The following DOK6 variants were observed in gnomAD, a reference collection of about 807,000 sequenced individuals.
DOK6 encodes docking protein 6.
Under a neutral mutation model 44.0 loss-of-function variants are expected in DOK6, and 22 were observed. The ratio of observed to expected loss-of-function variants is 0.50; its 90% CI spans 0.36 to 0.71. The LOEUF is 0.71. DOK6 is among the 30% of genes least tolerant of loss of function. DOK6 has a pLI of 0.00. For missense variants in DOK6, 340 were observed against 416.4 expected (o/e 0.82, Z 1.60); for synonymous variants, 166 against 145.5 (o/e 1.14, Z -1.01).
intron 5 of DOK6, among the ~76,000 whole-genome samples, chr18:69,722,457 C>A (rs1978290227): frequency 6.6e-6 from 1 of 152,146 alleles, no homozygotes; most frequent in African/African-American, 2.4e-5. Context: ...ATCCTCTCCC[C>A]AAAATGCCCA....
intron 3 of DOK6, among the ~76,000 whole-genome samples, chr18:69,659,311 CTCCA>C (rs1985449145): frequency 6.6e-6 from 1 of 152,188 alleles, no homozygotes; most frequent in Non-Finnish European, 1.5e-5. Flanking sequence ...CTACGTGTGC[CTCCA>C]AATGGTTCAA....
At chr18:69,813,100 A>G (rs1250459655) in intron 7 of DOK6, among the ~76,000 whole-genome samples, 3 of 152,164 alleles carry the variant, frequency 2.0e-5, no homozygotes, top group Non-Finnish European at 4.4e-5. Context: ...AGACAGTGTC[A>G]AGACTCTACT....
chr18:69,412,794 A>G (rs8085088), intron 1 of DOK6, among the ~76,000 whole-genome samples: 2,170 of 152,284 alleles, frequency 0.014, 26 homozygotes, highest in Middle Eastern at 0.051. Context: ...GTCTTGCATT[A>G]TAAAAGATGA....
At chr18:69,545,110 A>G (rs112020505) in intron 1 of DOK6, among the ~76,000 whole-genome samples, 7,229 of 64,778 alleles carry the variant, frequency 0.11, 584 homozygotes, top group African/African-American at 0.23. Context: ...ACAGAGCGAG[A>G]CACCATAAAA....
intron 3 of DOK6, among the ~76,000 whole-genome samples, chr18:69,636,487 T>C (rs571030531): frequency 1.3e-5 from 2 of 152,318 alleles, no homozygotes; most frequent in African/African-American, 4.8e-5. Context: ...CAGGCATGGC[T>C]CACAAATAGT....
intron 1 of DOK6, among the ~76,000 whole-genome samples, chr18:69,556,339 G>C (rs534077777): frequency 1.3e-5 from 2 of 152,190 alleles, no homozygotes; most frequent in South Asian, 2.1e-4. Context: ...TTCCTCAGAT[G>C]TCTGCATCAC....
intron 2 of DOK6, among the ~76,000 whole-genome samples, chr18:69,594,125 A>G (rs183288833): frequency 6.6e-6 from 1 of 152,240 alleles, no homozygotes; most frequent in East Asian, 1.9e-4. Context: ...CTTCCTAAAA[A>G]ACTTCATATT....
chr18:69,800,159 A>G (rs549555566), intron 7 of DOK6, among the ~76,000 whole-genome samples: 1 of 152,152 alleles, frequency 6.6e-6, no homozygotes, highest in Non-Finnish European at 1.5e-5. Flanking sequence ...TGAAACAGTA[A>G]ATGAAATATA....
rs183501732 is a variant in DOK6, at chr18:69,706,556, G to C, written c.599+7963G>C. On this transcript the variant is annotated intron_variant, in intron 5 of 7. Coordinates refer to ENST00000382713, the MANE Select transcript of DOK6 (RefSeq NM_152721.6). ...TATTATTATTATACTTTAAGTTTTA[G>C]GGTACATGTGCACAATGTGCAGGTT... 3.7e-3 allele frequency among the ~76,000 whole-genome samples: 561 copies of C among 151,332 alleles called. 6 individuals are homozygous for C. Among genetic ancestry groups the C allele is most frequent in the African/African-American group, 0.013 (544 of 41,190 alleles).
chr18:69,474,566 TA>T (rs1488452660), intron 1 of DOK6, among the ~76,000 whole-genome samples: 2 of 152,240 alleles, frequency 1.3e-5, no homozygotes, highest in African/African-American at 4.8e-5. Context: ...GTACATGGTT[TA>T]ATGTATTCCA....
At chr18:69,587,553 A>G (rs1216004388) in intron 2 of DOK6, among the ~76,000 whole-genome samples, 1 of 152,180 alleles carries the variant, frequency 6.6e-6, no homozygotes, top group Admixed American at 6.5e-5. Context: ...GGACTTGGAC[A>G]TACCTTCCCA....
At chr18:69,727,989 C>A (rs954223929) in intron 5 of DOK6, among the ~76,000 whole-genome samples, 2 of 152,198 alleles carry the variant, frequency 1.3e-5, no homozygotes, top group Admixed American at 6.5e-5. Context: ...ATTCAAGCCT[C>A]GTCTGGTCTG....
chr18:69,721,972 T>G (rs186231040), intron 5 of DOK6, among the ~76,000 whole-genome samples: 12 of 152,306 alleles, frequency 7.9e-5, no homozygotes, highest in Non-Finnish European at 1.3e-4. Flanking sequence ...TAAGAGAAAA[T>G]TTAGACTGCA....
At chr18:69,611,381 G>T (rs57916829) in intron 3 of DOK6, among the ~76,000 whole-genome samples, 2,162 of 152,212 alleles carry the variant, frequency 0.014, 59 homozygotes, top group African/African-American at 0.049. Flanking sequence ...GGTACAGTCA[G>T]TTTGGAAAAC....
At chr18:69,836,456 A>T (rs1249351082) in intron 7 of DOK6, among the ~76,000 whole-genome samples, 2 of 152,144 alleles carry the variant, frequency 1.3e-5, no homozygotes, top group African/African-American at 4.8e-5. Flanking sequence ...GTCATTTCAG[A>T]GTATACTTGA....
chr18:69,672,209 G>A (rs1985813157), intron 3 of DOK6, among the ~76,000 whole-genome samples: 1 of 151,504 alleles, frequency 6.6e-6, no homozygotes, highest in African/African-American at 2.4e-5. Context: ...TTCCTACTTA[G>A]AAAACTAATC....
intron 1 of DOK6, among the ~76,000 whole-genome samples, chr18:69,529,523 G>A (rs968909605): frequency 6.6e-6 from 1 of 152,176 alleles, no homozygotes; most frequent in African/African-American, 2.4e-5. Context: ...GTATACAAAT[G>A]TTTCTTGAGT....
At chr18:69,435,065 A>C (rs1362965479) in intron 1 of DOK6, among the ~76,000 whole-genome samples, 2 of 150,156 alleles carry the variant, frequency 1.3e-5, no homozygotes, top group African/African-American at 4.9e-5. Flanking sequence ...GAAGGAAGGA[A>C]GGAAGGAAGG....
chr18:69,749,791 A>T (rs926801494), intron 6 of DOK6, among the ~76,000 whole-genome samples: 1 of 151,922 alleles, frequency 6.6e-6, no homozygotes, highest in South Asian at 2.1e-4. Flanking sequence ...ATACAAAAAA[A>T]ATTAGCTGGG....
Sources: gnomAD v4.1 joint callset for allele counts (sites outside exome capture counted in the v4.1 genomes callset) on GRCh38, gnomAD v4.1.1 for gene constraint, MANE v1.5 for transcripts, NCBI Gene and HGNC (gene_info 2026-07-23, HGNC 2026-07-21) for gene names.